The following IQANK1 variants were observed in gnomAD, a reference collection of about 807,000 sequenced individuals.
IQANK1 encodes IQ motif and ankyrin repeat domain-containing protein 1.
A neutral mutation model predicts 22.6 loss-of-function variants in IQANK1; 30 were observed. The observed-to-expected ratio is 1.33, with a 90% confidence interval of 0.99 to 1.80. IQANK1 has a LOEUF of 1.80. Ranked by LOEUF, IQANK1 falls within the 40% of genes most tolerant of loss-of-function variation. The probability of loss-of-function intolerance (pLI) is 0.00; values close to 1 mark genes in which losing one functional copy is unlikely to be tolerated. For synonymous variants in IQANK1, 122 were observed against 99.6 expected, an observed-to-expected ratio of 1.23 and a Z score of -1.34; for missense variants, 275 against 235.2, an observed-to-expected ratio of 1.17 and a Z score of -1.11.
intron 3 of IQANK1, among the ~76,000 whole-genome samples, chr8:143,760,934 T>C (rs1819383428): frequency 6.6e-6 from 1 of 150,500 alleles, no homozygotes; most frequent in African/African-American, 2.5e-5. Flanking sequence ...TGGCATGGGG[T>C]CGACTTTGGA....
chr8:143,780,744 GAGTCCA>G (rs1554630856), intron 7 of IQANK1, among the ~76,000 whole-genome samples: 2 of 152,178 alleles, frequency 1.3e-5, no homozygotes, highest in African/African-American at 4.8e-5. Context: ...CATTTAGGTT[GAGTCCA>G]TGTCTTTGCT....
intron 3 of IQANK1, chr8:143,743,230 CGTTTT>C: frequency 2.8e-6 from 1 of 357,710 alleles, no homozygotes; most frequent in Non-Finnish European, 5.5e-6. Flanking sequence ...TGTTTTGTTC[CGTTTT>C]GTTTTTTTTT....
At chr8:143,764,099 G>A (rs904142952) in intron 3 of IQANK1, among the ~76,000 whole-genome samples, 2 of 152,084 alleles carry the variant, frequency 1.3e-5, no homozygotes, top group Non-Finnish European at 2.9e-5. Context: ...GATACTCTCA[G>A]CAGTCACAGA....
Position 143,740,126 on chromosome 8 carries a change from C to T in IQANK1, c.175+178C>T, listed in dbSNP as rs546177614. Among the ~76,000 whole-genome samples the T allele has an allele frequency of 2.3e-4, 35 of 152,170 alleles. No individual in the cohort carries two copies. The South Asian group carries it at 6.8e-3, about 30-fold the overall frequency. ...CGCACCTGTGAGCGCTCGGCGCAGGCCCGCGACACGCCCGAGCCCCTCCCG... is the reference window on the plus strand; with the variant it reads ...CGCACCTGTGAGCGCTCGGCGCAGGTCCGCGACACGCCCGAGCCCCTCCCG... On this transcript the variant is annotated intron_variant, in intron 3 of 13. Transcript: ENST00000527139.
chr8:143,749,184 A>G (rs1333890990), intron 3 of IQANK1, among the ~76,000 whole-genome samples: 1 of 123,838 alleles, frequency 8.1e-6, no homozygotes, highest in African/African-American at 3.3e-5. Context: ...ATAATATATA[A>G]ATATATATCA....
At chr8:143,740,007 G>C in intron 3 of IQANK1, 59 bp downstream of exon 3, 1 of 650,984 alleles carries the variant, frequency 1.5e-6, no homozygotes, top group Non-Finnish European at 2.8e-6. Context: ...TGGCAGGGGG[G>C]TGCCCTGGCC....
chr8:143,746,672 C>T (rs1179069363), intron 3 of IQANK1, among the ~76,000 whole-genome samples: 3 of 152,196 alleles, frequency 2.0e-5, no homozygotes, highest in Non-Finnish European at 4.4e-5. Context: ...TGTGAGCCAC[C>T]ATGCCCAGGC....
At chr8:143,790,090 C>T (rs531488955) in intron 12 of IQANK1, 26 bp downstream of exon 12, 24 of 1,232,072 alleles carry the variant, frequency 1.9e-5, no homozygotes, top group East Asian at 9.5e-5. Flanking sequence ...CAGACGTGGG[C>T]GATTTGGGGT....
intron 7 of IQANK1, among the ~76,000 whole-genome samples, chr8:143,780,161 G>A (rs1364421919): frequency 6.6e-6 from 1 of 151,950 alleles, no homozygotes; most frequent in Non-Finnish European, 1.5e-5. Flanking sequence ...ATTTTATAGT[G>A]CTTGCTTCCT....
chr8:143,761,537 A>G (rs1423527317), intron 3 of IQANK1, among the ~76,000 whole-genome samples: 2 of 152,328 alleles, frequency 1.3e-5, no homozygotes, highest in African/African-American at 4.8e-5. Context: ...TAGGAGGCCT[A>G]TGCGGGAGGA....
chr8:143,767,935 G>C (rs1819507386), intron 3 of IQANK1, among the ~76,000 whole-genome samples: 1 of 128,018 alleles, frequency 7.8e-6, no homozygotes, highest in African/African-American at 3.0e-5. Context: ...CCAGGCTGGA[G>C]TGCAGTGGCT....
rs144903505 is a variant in IQANK1 at position 143,742,063 on chromosome 8, C to T, written c.175+2115C>T. On this transcript the variant is annotated intron_variant, in intron 3 of 13. Transcript: ENST00000527139. ...CACGAGCCTGTCTGTGCCCTCGCTG[C>T]GGCCGACTCTCTCTAGGAGCGTCCC... is the stretch of plus-strand genomic sequence containing the variant. The T allele has an allele frequency of 3.7e-3, 1,095 of 295,894 alleles. 15 individuals carry two copies. Among genetic ancestry groups the T allele is most frequent in the African/African-American group, 0.021 (955 of 46,204 alleles). The allele number at this position is 295,894 out of a possible 1,614,324, so 18.3% of individuals were successfully genotyped here.
chr8:143,779,227 T>A (rs1554630743), intron 7 of IQANK1, among the ~76,000 whole-genome samples: 1 of 152,258 alleles, frequency 6.6e-6, no homozygotes. Context: ...ACTTATTTTT[T>A]ATCTACTATT....
At chr8:143,738,500 C>T (rs1012053534) in intron 2 of IQANK1, among the ~76,000 whole-genome samples, 2 of 152,192 alleles carry the variant, frequency 1.3e-5, no homozygotes, top group African/African-American at 4.8e-5. Flanking sequence ...AGGGACTCCA[C>T]GGCGCGGTGG....
At chr8:143,772,539 T>TGTGGGCCC (rs1563777123) in intron 7 of IQANK1, 57 bp downstream of exon 7, 15 of 397,994 alleles carry the variant, frequency 3.8e-5, no homozygotes, top group African/African-American at 1.9e-4. Flanking sequence ...GGTGTGGGCC[T>TGTGGGCCC]CGGGAGGTGT....
At chr8:143,738,785 GTC>G (rs564161535) in intron 2 of IQANK1, among the ~76,000 whole-genome samples, 283 of 152,340 alleles carry the variant, frequency 1.9e-3, no homozygotes, top group Non-Finnish European at 3.2e-3. Flanking sequence ...CTGCATCCTG[GTC>G]GCACTGACCC....
At chr8:143,751,664 G>GTGTATATATATATATATATATATATA (rs370428606) in intron 3 of IQANK1, among the ~76,000 whole-genome samples, 66 of 61,520 alleles carry the variant, frequency 1.1e-3, no homozygotes, top group Admixed American at 1.6e-3. Flanking sequence ...GTGTGTGTGT[G>GTGTATATATATATATATATATATATA]TATATATATA....
At position 143,790,236 on chromosome 8, in the gene IQANK1, G is replaced by A. The variant is rs924076226; in HGVS notation, c.1389G>A (p.Pro463=). 48 of 1,232,100 alleles carry A rather than the reference G, an allele frequency of 3.9e-5. No homozygotes were observed. The South Asian group carries it at 7.4e-4, about 19-fold the overall frequency. The allele number at this position is 1,232,100 out of a possible 1,614,324, so 76.3% of individuals were successfully genotyped here. The change falls in exon 13 of 14, where the codon CCG becomes CCA. Residue 463 remains proline, a synonymous_variant. Transcript: ENST00000527139. ...VDTVNPEPLR[P]ETMWLALLGA... is the part of the protein sequence containing the mutation. ...CGGTGAACCCGGAGCCCCTGAGGCC[G>A]GAGACGATGTGGCTGGCTCTGCTGG...
In IQANK1 at chr8:143,757,337, T is replaced by G. The variant is rs561543322; in HGVS notation, c.176-14151T>G. The stretch of plus-strand genomic sequence containing the variant: ...GTAGTGTAAGGTACATAATGTGTCT[T>G]TCTTTTTTTTTTTTTTTGAGACGGA... On this transcript the variant is annotated intron_variant, in intron 3 of 13. Transcript: ENST00000527139. 1.5e-4 allele frequency among the ~76,000 whole-genome samples: 23 copies of G among 151,482 alleles called. No homozygotes were observed. The East Asian group carries it at 4.1e-3, about 27-fold the overall frequency.
Sources: allele counts gnomAD v4.1 joint callset (sites outside exome capture counted in the v4.1 genomes callset), GRCh38; gene constraint gnomAD v4.1.1; transcripts MANE v1.5; gene names NCBI Gene and HGNC (gene_info 2026-07-23, HGNC 2026-07-21).